PARD3: variants seen among roughly 807,000 people sequenced by gnomAD.
PARD3 encodes partitioning defective 3 homolog.
In PARD3, 75 loss-of-function variants were observed where a neutral mutation model predicts 155.4. The ratio of observed to expected loss-of-function variants is 0.48; its 90% CI spans 0.40 to 0.58. The LOEUF is 0.58. Among genes scored for constraint, PARD3 ranks in the 20% least tolerant of loss-of-function variants. The pLI is 0.00. For synonymous variants in PARD3, 576 were observed against 610.5 expected (o/e 0.94, Z 0.83); for missense variants, 1,642 against 1,721.7 (o/e 0.95, Z 0.82).
At chr10:34,469,573 T>G (rs2078222583) in intron 4 of PARD3, among the ~76,000 whole-genome samples, 1 of 152,206 alleles carries the variant, frequency 6.6e-6, no homozygotes, top group South Asian at 2.1e-4. Flanking sequence ...AACGATCAAC[T>G]GTGTAATCAA....
intron 1 of PARD3, among the ~76,000 whole-genome samples, chr10:34,807,398 TA>T (rs1455151284): frequency 1.3e-5 from 2 of 152,236 alleles, no homozygotes; most frequent in African/African-American, 4.8e-5. Context: ...TATAATCACA[TA>T]ACCATAAACT....
intron 2 of PARD3, among the ~76,000 whole-genome samples, chr10:34,526,133 G>T (rs970403671): frequency 1.4e-5 from 2 of 146,378 alleles, no homozygotes. Context: ...AAATAGATAG[G>T]TCTTAACGAG....
At chr10:34,299,727 G>GA (rs1957065064) in intron 20 of PARD3, among the ~76,000 whole-genome samples, 1 of 152,094 alleles carries the variant, frequency 6.6e-6, no homozygotes, top group Non-Finnish European at 1.5e-5. Flanking sequence ...AGTTCCACAG[G>GA]AAAAATGCTA....
intron 21 of PARD3, among the ~76,000 whole-genome samples, chr10:34,275,215 G>A (rs1589022192): frequency 1.3e-5 from 2 of 152,264 alleles, no homozygotes; most frequent in Admixed American, 6.5e-5. Flanking sequence ...AATTGTATTT[G>A]TATTGCTTAT....
chr10:34,462,751 A>T (rs1437655083), intron 4 of PARD3, among the ~76,000 whole-genome samples: 4 of 151,838 alleles, frequency 2.6e-5, no homozygotes, highest in African/African-American at 9.7e-5. Flanking sequence ...AGATGGGAGG[A>T]TCACTTGAAC....
chr10:34,343,930 A>T, intron 15 of PARD3: 1 of 980,964 alleles, frequency 1.0e-6, no homozygotes, highest in Non-Finnish European at 1.2e-6. Context: ...AACACCACAC[A>T]TGATACTAGA....
intron 2 of PARD3, among the ~76,000 whole-genome samples, chr10:34,680,846 A>AG (rs2093801726): frequency 1.8e-5 from 1 of 54,162 alleles, no homozygotes; most frequent in South Asian, 7.4e-4. Flanking sequence ...GGGTGGGGGG[A>AG]GGGGGGAGGG....
At chr10:34,601,579 C>T (rs1345220813) in intron 2 of PARD3, among the ~76,000 whole-genome samples, 2 of 152,108 alleles carry the variant, frequency 1.3e-5, no homozygotes, top group African/African-American at 4.8e-5. Flanking sequence ...CATTATAGAG[C>T]GGCCCACCCC....
intron 22 of PARD3, among the ~76,000 whole-genome samples, chr10:34,261,768 G>A (rs148476860): frequency 1.5e-4 from 19 of 129,962 alleles, no homozygotes; most frequent in African/African-American, 4.9e-4. Flanking sequence ...AAGGAAGGAA[G>A]GAAGAAAGAA....
At chr10:34,173,613 A>G (rs1340846801) in intron 22 of PARD3, among the ~76,000 whole-genome samples, 3 of 152,204 alleles carry the variant, frequency 2.0e-5, no homozygotes, top group Non-Finnish European at 4.4e-5. Flanking sequence ...TTTTACATAT[A>G]CCACACCTGT....
chr10:34,131,614 C>A (rs777377637), intron 22 of PARD3, 31 bp from the exon 23 acceptor site: 2 of 1,604,720 alleles, frequency 1.2e-6, no homozygotes, highest in African/African-American at 2.7e-5. Context: ...CAGTGAATAC[C>A]CTTCAGAAAT....
chr10:34,474,048 C>G (rs1420164140), intron 3 of PARD3, among the ~76,000 whole-genome samples: 1 of 152,158 alleles, frequency 6.6e-6, no homozygotes, highest in Non-Finnish European at 1.5e-5. Flanking sequence ...TGCATCAGTC[C>G]CAGCTACTCA....
At chr10:34,188,682 C>T (rs1386365296) in intron 22 of PARD3, among the ~76,000 whole-genome samples, 1 of 152,166 alleles carries the variant, frequency 6.6e-6, no homozygotes, top group Non-Finnish European at 1.5e-5. Flanking sequence ...GAAAACATCA[C>T]TCCAAAGGGT....
chr10:34,369,596 T>C (rs752220880), intron 12 of PARD3, among the ~76,000 whole-genome samples: 12 of 152,224 alleles, frequency 7.9e-5, no homozygotes, highest in Non-Finnish European at 1.6e-4. Flanking sequence ...AACTGTCTTC[T>C]ATTTTTTGTA....
At chr10:34,708,204 G>T (rs1365624815) in intron 1 of PARD3, among the ~76,000 whole-genome samples, 3 of 150,150 alleles carry the variant, frequency 2.0e-5, no homozygotes, top group Non-Finnish European at 4.4e-5. Flanking sequence ...GACAAATCCA[G>T]AATATGAGTT....
intron 21 of PARD3, among the ~76,000 whole-genome samples, chr10:34,275,790 TG>T (rs1434381270): frequency 6.6e-6 from 1 of 152,186 alleles, no homozygotes; most frequent in African/African-American, 2.4e-5. Context: ...GAGCCCTTAA[TG>T]GATCCAGATG....
At chr10:34,384,850 A>G (rs922322420) in intron 7 of PARD3, among the ~76,000 whole-genome samples, 13 of 152,212 alleles carry the variant, frequency 8.5e-5, no homozygotes, top group African/African-American at 3.1e-4. Context: ...TTTATTGTCA[A>G]TATTCCCATT....
chr10:34,520,103 G>A (rs1181995464), intron 2 of PARD3, among the ~76,000 whole-genome samples: 2 of 152,092 alleles, frequency 1.3e-5, no homozygotes, highest in Non-Finnish European at 2.9e-5. Context: ...CGAATGTACA[G>A]AATATGAGTA....
chr10:34,399,625 A>G (rs1004138555), intron 6 of PARD3, among the ~76,000 whole-genome samples: 1 of 152,222 alleles, frequency 6.6e-6, no homozygotes, highest in African/African-American at 2.4e-5. Flanking sequence ...TACATACCTG[A>G]ACACTAGTCT....
Sources: allele counts gnomAD v4.1 joint callset (sites outside exome capture counted in the v4.1 genomes callset), GRCh38; gene constraint gnomAD v4.1.1; transcripts MANE v1.5; gene names NCBI Gene and HGNC (gene_info 2026-07-23, HGNC 2026-07-21).